FRMD5: variants seen among roughly 807,000 people sequenced by gnomAD.
The protein encoded by FRMD5 is FERM domain containing 5.
Under a neutral mutation model 69.0 loss-of-function variants are expected in FRMD5, and 20 were observed. The ratio of observed to expected loss-of-function variants is 0.29; its 90% CI spans 0.20 to 0.42. The LOEUF (loss-of-function observed/expected upper bound fraction) is 0.42. Ranked by LOEUF, FRMD5 falls within the 10% of genes least tolerant of loss-of-function variation. FRMD5 has a pLI of 1.00. For missense variants in FRMD5, 595 were observed against 708.6 expected, an observed-to-expected ratio of 0.84 and a Z score of 1.82; for synonymous variants, 271 against 260.1, an observed-to-expected ratio of 1.04 and a Z score of -0.40.
At position 43,922,203 on chromosome 15, in the gene FRMD5, A is replaced by C. The variant is rs547986789; in HGVS notation, c.207+2002T>G. Among the ~76,000 whole-genome samples the C allele has an allele frequency of 3.9e-5, 6 of 152,330 alleles. No homozygotes were observed. In the South Asian group the frequency reaches 1.0e-3, roughly 26 times the overall value. ...ATCTCAGAAACCACACTGGCCCTGG[A>C]GTCAAACAGGTCTGAGCTCGAGGCT... On this transcript the variant is annotated intron_variant, in intron 2 of 13. Coordinates refer to ENST00000417257, the MANE Select transcript of FRMD5 (RefSeq NM_032892.5).
chr15:43,879,543 G>A (rs1361834136), intron 13 of FRMD5: 1 of 399,126 alleles, frequency 2.5e-6, no homozygotes, highest in Non-Finnish European at 4.4e-6. Context: ...GGTCACAGCA[G>A]TCAGGACCCT....
intron 1 of FRMD5, among the ~76,000 whole-genome samples, chr15:44,187,140 ATGATTAAACTGATCC>A (rs1378398911): frequency 6.6e-6 from 1 of 152,190 alleles, no homozygotes. Context: ...TTTTTGTCAG[ATGATTAAACTGATCC>A]TGAAGAGAAG....
chr15:43,949,896 TA>T (rs112511482), intron 1 of FRMD5, among the ~76,000 whole-genome samples: 18 of 147,992 alleles, frequency 1.2e-4, no homozygotes, highest in South Asian at 2.1e-4. Context: ...TCTGCTAACT[TA>T]AAAAAAAAAG....
rs575064509 is a variant in FRMD5, at chr15:43,906,603, TTTTG to T, written c.428-656_428-653del. Among the ~76,000 whole-genome samples, 427 of 152,102 alleles carry T rather than the reference TTTTG, an allele frequency of 2.8e-3. 1 individual carries two copies. The highest frequency in any genetic ancestry group is 4.6e-3 in the Non-Finnish European group (312 of 67,996). On this transcript the variant is annotated intron_variant, in intron 5 of 13. Transcript: ENST00000417257. ...AGTTCAGAAGCATCAAGTTCTTTTT[TTTTG>T]TTTGTTTGTTTTTAGACGGAGTCTC... is the stretch of plus-strand genomic sequence containing the variant.
chr15:44,187,908 T>C (rs190803242), intron 1 of FRMD5, among the ~76,000 whole-genome samples: 131 of 152,234 alleles, frequency 8.6e-4, no homozygotes, highest in Non-Finnish European at 1.5e-3. Context: ...TCAAATTTCA[T>C]CTCCTTTGAA....
rs552522619 is a variant in FRMD5, at chr15:43,956,307, C to T, written c.103-31998G>A. Among the ~76,000 whole-genome samples the T allele has an allele frequency of 2.0e-5, 3 of 152,258 alleles. No homozygotes were observed. In the East Asian group the frequency reaches 5.8e-4, roughly 29 times the overall value. ...TTTTAATGTTTTAATCCAGACACAGCTTTTTTTCCCTAAGTCTCCTCAAGT... is the reference window on the plus strand; with the variant it reads ...TTTTAATGTTTTAATCCAGACACAGTTTTTTTTCCCTAAGTCTCCTCAAGT... On this transcript the variant is annotated intron_variant, in intron 1 of 13. Transcript: ENST00000417257.
At chr15:43,896,072 T>C (rs1043412124) in intron 7 of FRMD5, among the ~76,000 whole-genome samples, 1 of 152,222 alleles carries the variant, frequency 6.6e-6, no homozygotes, top group African/African-American at 2.4e-5. Context: ...TTCCCATCCC[T>C]ATGAAATCAG....
intron 1 of FRMD5, among the ~76,000 whole-genome samples, chr15:43,959,914 T>C (rs188930928): frequency 3.4e-4 from 52 of 152,292 alleles, no homozygotes; most frequent in African/African-American, 1.2e-3. Flanking sequence ...AGTAAAATGA[T>C]GATGATGATG....
intron 1 of FRMD5, among the ~76,000 whole-genome samples, chr15:44,057,497 A>C (rs977492012): frequency 6.6e-6 from 1 of 152,202 alleles, no homozygotes. Context: ...GAGGATCATC[A>C]TGACACAATT....
intron 1 of FRMD5, among the ~76,000 whole-genome samples, chr15:44,053,907 G>A (rs1445739494): frequency 6.6e-6 from 1 of 152,058 alleles, no homozygotes; most frequent in Non-Finnish European, 1.5e-5. Context: ...AAAAGAAGAG[G>A]CACTGAGCAA....
chr15:44,061,621 G>A (rs749054034), intron 1 of FRMD5, among the ~76,000 whole-genome samples: 1 of 152,098 alleles, frequency 6.6e-6, no homozygotes, highest in Non-Finnish European at 1.5e-5. Flanking sequence ...CTGCTGTCAG[G>A]GAAGTCCATA....
intron 1 of FRMD5, among the ~76,000 whole-genome samples, chr15:44,050,973 G>C (rs1892638029): frequency 6.6e-6 from 1 of 150,916 alleles, no homozygotes; most frequent in Admixed American, 6.6e-5. Context: ...TTTTTTTCTT[G>C]AATTTAGAAA....
In FRMD5 at chr15:43,872,283, C is replaced by A. The variant is rs948381152; in HGVS notation, c.*1602G>T. The stretch of plus-strand genomic sequence containing the variant: ...GTAAACATGGACATGGTTCTACCAT[C>A]TCGGGGGACAAAATAGGGGAGGTCA... On this transcript the variant is annotated 3_prime_UTR_variant, in exon 14 of 14. Transcript: ENST00000417257. 8 of 152,158 alleles carry A rather than the reference C, an allele frequency of 5.3e-5. No individual in the cohort carries two copies. The highest frequency in any genetic ancestry group is 1.9e-4 in the African/African-American group (8 of 41,424). The allele number at this position is 152,158 out of a possible 1,614,324, so 9.4% of individuals were successfully genotyped here.
At chr15:43,947,710 A>G (rs976706570) in intron 1 of FRMD5, among the ~76,000 whole-genome samples, 1 of 152,178 alleles carries the variant, frequency 6.6e-6, no homozygotes, top group African/African-American at 2.4e-5. Flanking sequence ...TGCACTTTAT[A>G]TCAGACAGAG....
At chr15:44,084,590 C>T (rs2140458232) in intron 1 of FRMD5, among the ~76,000 whole-genome samples, 1 of 152,194 alleles carries the variant, frequency 6.6e-6, no homozygotes, top group South Asian at 2.1e-4. Context: ...CAGACTTAAA[C>T]CTTTTTTGTA....
intron 1 of FRMD5, among the ~76,000 whole-genome samples, chr15:44,171,953 A>T (rs941254476): frequency 6.6e-6 from 1 of 152,004 alleles, no homozygotes; most frequent in Non-Finnish European, 1.5e-5. Context: ...TAGTAGAGAC[A>T]TGGTTTCACC....
intron 1 of FRMD5, among the ~76,000 whole-genome samples, chr15:44,041,812 C>G (rs747707465): frequency 3.3e-5 from 5 of 152,064 alleles, no homozygotes; most frequent in Non-Finnish European, 7.4e-5. Context: ...GGACTAGATG[C>G]CCACAAGAGA....
At chr15:44,172,253 GCTTT>G (rs2077817922) in intron 1 of FRMD5, among the ~76,000 whole-genome samples, 1 of 150,842 alleles carries the variant, frequency 6.6e-6, no homozygotes, top group Non-Finnish European at 1.5e-5. Context: ...ACCATATTTG[GCTTT>G]CTTTTTCTCT....
At chr15:43,983,301 G>T (rs1198834760) in intron 1 of FRMD5, among the ~76,000 whole-genome samples, 1 of 152,122 alleles carries the variant, frequency 6.6e-6, no homozygotes, top group African/African-American at 2.4e-5. Context: ...CTATACATAA[G>T]CAAACTAGGT....
Sources: gnomAD v4.1 joint callset for allele counts (sites outside exome capture counted in the v4.1 genomes callset) on GRCh38, gnomAD v4.1.1 for gene constraint, MANE v1.5 for transcripts, NCBI Gene and HGNC (gene_info 2026-07-23, HGNC 2026-07-21) for gene names.